Variants in PMF1 observed in about 807,000 individuals in gnomAD.
PMF1 encodes polyamine-modulated factor 1.
PMF1 carries 21 observed loss-of-function variants against 26.7 expected under a neutral mutation model. The observed-to-expected ratio is 0.79, with a 90% confidence interval of 0.56 to 1.13. PMF1 has a LOEUF of 1.13. PMF1 is among the 50% of genes most tolerant of loss of function. The probability of loss-of-function intolerance (pLI) is 0.00; values close to 1 mark genes in which losing one functional copy is unlikely to be tolerated. For missense variants in PMF1, 266 were observed against 254.9 expected, an observed-to-expected ratio of 1.04 and a Z score of -0.30; for synonymous variants, 105 against 101.0, an observed-to-expected ratio of 1.04 and a Z score of -0.24.
At chr1:156,217,822 A>G (rs1185034599) in intron 1 of PMF1, among the ~76,000 whole-genome samples, 1 of 152,056 alleles carries the variant, frequency 6.6e-6, no homozygotes, top group African/African-American at 2.4e-5. Flanking sequence ...CTTGATATGC[A>G]TCCACCACTT....
At chr1:156,225,163 G>A (rs1223932559) in intron 1 of PMF1, among the ~76,000 whole-genome samples, 2 of 151,588 alleles carry the variant, frequency 1.3e-5, no homozygotes, top group Non-Finnish European at 2.9e-5. Context: ...GCCTCCCAAA[G>A]TACTGAGATT....
intron 1 of PMF1, chr1:156,225,714 G>A (rs1199578311): frequency 5.6e-6 from 5 of 891,996 alleles, no homozygotes; most frequent in East Asian, 5.3e-5. Context: ...TGTGTACACC[G>A]TGATATTGTG....
chr1:156,222,598 T>C (rs1658144368), intron 1 of PMF1, among the ~76,000 whole-genome samples: 1 of 152,130 alleles, frequency 6.6e-6, no homozygotes, highest in Non-Finnish European at 1.5e-5. Context: ...ATCAGGCTGG[T>C]CTCAAACTCC....
intron 1 of PMF1, among the ~76,000 whole-genome samples, chr1:156,222,248 T>C (rs767225096): frequency 9.9e-5 from 15 of 152,194 alleles, no homozygotes; most frequent in Non-Finnish European, 1.9e-4. Context: ...CCCCCTGCCT[T>C]CACCCCTGCC....
At chr1:156,226,135 A>G (rs1298277818) in intron 1 of PMF1, among the ~76,000 whole-genome samples, 1 of 152,110 alleles carries the variant, frequency 6.6e-6, no homozygotes, top group African/African-American at 2.4e-5. Context: ...GATTACAGGT[A>G]TGAGCCACTG....
chr1:156,214,884 A>ATTTTTT (rs1307641968), intron 1 of PMF1, among the ~76,000 whole-genome samples: 3 of 138,206 alleles, frequency 2.2e-5, no homozygotes, highest in Non-Finnish European at 3.1e-5. Context: ...TATTATTATT[A>ATTTTTT]TTTTTTTTTT....
intron 1 of PMF1, 123 bp from the exon 2 acceptor site, chr1:156,232,197 T>C (rs1658748415): frequency 2.4e-6 from 2 of 833,886 alleles, no homozygotes; most frequent in Non-Finnish European, 4.0e-6. Context: ...CCACTGGCTT[T>C]AACCAGGGCC....
rs973236181 is a variant in PMF1, at chr1:156,215,931, C to T, written c.161+2755C>T. ...GTTGAACTCCTGACCTCAGGTGATC[C>T]GCCTGCCTCGGCCACTTATTTATAA... On this transcript the variant is annotated intron_variant, in intron 1 of 4. Transcript: ENST00000368277. Among the ~76,000 whole-genome samples, 5 of 152,082 alleles carry T rather than the reference C, an allele frequency of 3.3e-5. No homozygotes were observed. In the East Asian group the frequency reaches 7.7e-4, roughly 23 times the overall value.
intron 1 of PMF1, 149 bp from the exon 2 acceptor site, chr1:156,232,171 G>C (rs1658746613): frequency 1.4e-6 from 1 of 702,108 alleles, no homozygotes; most frequent in Non-Finnish European, 2.5e-6. Context: ...CTCGTGCTTA[G>C]ATGAGAGATT....
intron 1 of PMF1, among the ~76,000 whole-genome samples, chr1:156,214,773 A>G (rs1296945777): frequency 1.3e-4 from 19 of 151,922 alleles, no homozygotes; most frequent in Non-Finnish European, 1.5e-5. Context: ...GATAATGAAC[A>G]GGTAATGATA....
At chr1:156,216,813 A>G (rs4998248) in intron 1 of PMF1, among the ~76,000 whole-genome samples, 63,707 of 151,758 alleles carry the variant, frequency 0.42, 14,873 homozygotes, top group African/African-American at 0.63. Flanking sequence ...GGAGTTGGCC[A>G]GGGCCGATCG....
chr1:156,215,210 T>C (rs1430780794), intron 1 of PMF1, among the ~76,000 whole-genome samples: 1 of 151,892 alleles, frequency 6.6e-6, no homozygotes, highest in Non-Finnish European at 1.5e-5. Flanking sequence ...AGAACGAATG[T>C]ATAGGAAAAG....
chr1:156,239,225 G>T (rs1012628770), intron 4 of PMF1, among the ~76,000 whole-genome samples: 1 of 152,184 alleles, frequency 6.6e-6, no homozygotes, highest in African/African-American at 2.4e-5. Flanking sequence ...CTTAATTCAA[G>T]AAAGTTTCTC....
At chr1:156,221,607 C>T (rs1658085852) in intron 1 of PMF1, among the ~76,000 whole-genome samples, 1 of 152,178 alleles carries the variant, frequency 6.6e-6, no homozygotes, top group Admixed American at 6.5e-5. Context: ...GCATTCAGTA[C>T]ATAGTTTTAG....
At chr1:156,228,256 ATTTTTT>A (rs772709878) in intron 1 of PMF1, among the ~76,000 whole-genome samples, 3 of 33,564 alleles carry the variant, frequency 8.9e-5, no homozygotes, top group Non-Finnish European at 1.7e-4. Flanking sequence ...GCACCTGGCG[ATTTTTT>A]TTTTTTTTTT....
chr1:156,231,706 A>C (rs1453147057), intron 1 of PMF1, among the ~76,000 whole-genome samples: 2 of 152,150 alleles, frequency 1.3e-5, no homozygotes, highest in Non-Finnish European at 2.9e-5. Flanking sequence ...CCTCAAGAAA[A>C]AAAAAGGAAA....
At chr1:156,222,415 T>C (rs1484008626) in intron 1 of PMF1, among the ~76,000 whole-genome samples, 1 of 152,028 alleles carries the variant, frequency 6.6e-6, no homozygotes, top group Non-Finnish European at 1.5e-5. Context: ...GGAGTTTCGC[T>C]CTTGTTGCCC....
intron 1 of PMF1, chr1:156,223,519 A>C (rs942786425): frequency 2.6e-5 from 4 of 152,146 alleles, no homozygotes; most frequent in Non-Finnish European, 5.9e-5. Flanking sequence ...TCATCTGAAA[A>C]ATGGGGGTGA....
chr1:156,232,766 G>C (rs190118434), intron 2 of PMF1, among the ~76,000 whole-genome samples: 2 of 151,582 alleles, frequency 1.3e-5, no homozygotes, highest in African/African-American at 4.8e-5. Flanking sequence ...CATAATCACA[G>C]CTCCCTGCAG....
Sources: allele counts gnomAD v4.1 joint callset (sites outside exome capture counted in the v4.1 genomes callset), GRCh38; gene constraint gnomAD v4.1.1; transcripts MANE v1.5; gene names NCBI Gene and HGNC (gene_info 2026-07-23, HGNC 2026-07-21).